Variants in ROBO1 observed in about 807,000 individuals in gnomAD.
ROBO1 encodes the protein roundabout guidance receptor 1.
Under a neutral mutation model 195.9 loss-of-function variants are expected in ROBO1, and 149 were observed. The ratio of observed to expected loss-of-function variants is 0.76; its 90% CI spans 0.67 to 0.87. ROBO1 has a LOEUF of 0.87. Among genes scored for constraint, ROBO1 ranks in the 40% least tolerant of loss-of-function variants. The probability of loss-of-function intolerance (pLI) is 0.00; values close to 1 mark genes in which losing one functional copy is unlikely to be tolerated. For missense variants in ROBO1, 1,933 were observed against 2,068.3 expected, an observed-to-expected ratio of 0.93 and a Z score of 1.27; for synonymous variants, 816 against 733.2, an observed-to-expected ratio of 1.11 and a Z score of -1.82.
chr3:79,460,242 A>G (rs902138613), intron 2 of ROBO1, among the ~76,000 whole-genome samples: 3 of 152,180 alleles, frequency 2.0e-5, no homozygotes, highest in African/African-American at 7.2e-5. Flanking sequence ...CCATTTACTG[A>G]GAGGCATTGC....
chr3:79,408,586 C>T (rs1392750240), intron 2 of ROBO1, among the ~76,000 whole-genome samples: 1 of 151,924 alleles, frequency 6.6e-6, no homozygotes, highest in African/African-American at 2.4e-5. Context: ...ATATGGTGTG[C>T]AGTTCTTGAG....
chr3:79,081,071 T>C (rs560504613), intron 3 of ROBO1, among the ~76,000 whole-genome samples: 71 of 152,250 alleles, frequency 4.7e-4, no homozygotes, highest in African/African-American at 1.6e-3. Context: ...AATCGACTTA[T>C]AGTGTGCCCA....
chr3:79,578,440 C>T (rs998033738), intron 2 of ROBO1, among the ~76,000 whole-genome samples: 2 of 152,058 alleles, frequency 1.3e-5, no homozygotes, highest in African/African-American at 4.8e-5. Flanking sequence ...TAGTATTGGT[C>T]AATTTTTATT....
At chr3:78,802,383 C>T (rs1340725495) in intron 4 of ROBO1, among the ~76,000 whole-genome samples, 1 of 152,068 alleles carries the variant, frequency 6.6e-6, no homozygotes, top group East Asian at 1.9e-4. Context: ...TTAAAATAAA[C>T]ACAAACTAGA....
chr3:79,665,271 T>C (rs1946442934), intron 1 of ROBO1, among the ~76,000 whole-genome samples: 1 of 151,950 alleles, frequency 6.6e-6, no homozygotes, highest in Non-Finnish European at 1.5e-5. Context: ...TGATTTCATA[T>C]ACTGTTATAG....
intron 1 of ROBO1, among the ~76,000 whole-genome samples, chr3:79,676,679 A>G (rs1946794211): frequency 6.6e-6 from 1 of 152,062 alleles, no homozygotes; most frequent in South Asian, 2.1e-4. Context: ...AGACAACAAG[A>G]AAGAGGCTTA....
At chr3:78,861,917 A>G (rs2034867059) in intron 4 of ROBO1, among the ~76,000 whole-genome samples, 1 of 152,214 alleles carries the variant, frequency 6.6e-6, no homozygotes, top group African/African-American at 2.4e-5. Flanking sequence ...CCTATGGCTT[A>G]TATTTAGAAT....
At chr3:78,804,203 A>G (rs958393588) in intron 4 of ROBO1, among the ~76,000 whole-genome samples, 3 of 152,180 alleles carry the variant, frequency 2.0e-5, no homozygotes, top group African/African-American at 7.2e-5. Context: ...ATGTTGAACT[A>G]CTGTTTGGAG....
intron 2 of ROBO1, among the ~76,000 whole-genome samples, chr3:79,394,006 A>G (rs1204599360): frequency 6.6e-6 from 1 of 152,168 alleles, no homozygotes; most frequent in Non-Finnish European, 1.5e-5. Context: ...CGACATGACA[A>G]TGAATGGTGA....
chr3:78,666,797 AC>A (rs1707763452), intron 14 of ROBO1, among the ~76,000 whole-genome samples: 1 of 152,054 alleles, frequency 6.6e-6, no homozygotes, highest in Admixed American at 6.6e-5. Flanking sequence ...TGGCTGGCAG[AC>A]CCCTCTCCCA....
chr3:79,228,954 T>C (rs896278071), intron 2 of ROBO1, among the ~76,000 whole-genome samples: 1 of 152,168 alleles, frequency 6.6e-6, no homozygotes, highest in Non-Finnish European at 1.5e-5. Context: ...AATCTCTTCA[T>C]TTCTTAAAGT....
intron 3 of ROBO1, among the ~76,000 whole-genome samples, chr3:79,004,847 T>G (rs962497794): frequency 6.6e-6 from 1 of 152,138 alleles, no homozygotes; most frequent in African/African-American, 2.4e-5. Flanking sequence ...AGAAAATGAA[T>G]TAAACATTCT....
At chr3:78,944,451 G>A (rs561766157) in intron 3 of ROBO1, among the ~76,000 whole-genome samples, 2 of 152,332 alleles carry the variant, frequency 1.3e-5, no homozygotes, top group African/African-American at 2.4e-5. Context: ...AACCAGCCAT[G>A]CCTGCACCCT....
chr3:79,600,021 A>G (rs369170743), intron 1 of ROBO1, among the ~76,000 whole-genome samples: 9 of 152,002 alleles, frequency 5.9e-5, no homozygotes, highest in African/African-American at 2.2e-4. Flanking sequence ...ACACCAAGAC[A>G]GAAAGAAAGC....
At chr3:79,509,831 T>C (rs1036551084) in intron 2 of ROBO1, among the ~76,000 whole-genome samples, 2 of 152,122 alleles carry the variant, frequency 1.3e-5, no homozygotes, top group Admixed American at 1.3e-4. Context: ...TATTGGATAA[T>C]ATTTTGATAC....
chr3:79,579,449 CAA>C (rs1294889477), intron 2 of ROBO1, among the ~76,000 whole-genome samples: 1 of 152,102 alleles, frequency 6.6e-6, no homozygotes, highest in African/African-American at 2.4e-5. Flanking sequence ...TGAGAAATTT[CAA>C]AAGAGTTGCT....
At chr3:79,351,966 A>C (rs1315828162) in intron 2 of ROBO1, among the ~76,000 whole-genome samples, 1 of 152,184 alleles carries the variant, frequency 6.6e-6, no homozygotes, top group Non-Finnish European at 1.5e-5. Context: ...TTTGCAATAA[A>C]AATAAGCTAA....
At chr3:79,610,025 G>A (rs553528638) in intron 1 of ROBO1, among the ~76,000 whole-genome samples, 1 of 151,776 alleles carries the variant, frequency 6.6e-6, no homozygotes, top group African/African-American at 2.4e-5. Context: ...TATTTTATCA[G>A]TATTCTAAAA....
At chr3:79,553,714 G>A (rs1318082048) in intron 2 of ROBO1, among the ~76,000 whole-genome samples, 1 of 152,064 alleles carries the variant, frequency 6.6e-6, no homozygotes, top group Non-Finnish European at 1.5e-5. Flanking sequence ...AAATTTTAAA[G>A]TAATGGGTGC....
Sources: gnomAD v4.1 joint callset for allele counts (sites outside exome capture counted in the v4.1 genomes callset) on GRCh38, gnomAD v4.1.1 for gene constraint, MANE v1.5 for transcripts, NCBI Gene and HGNC (gene_info 2026-07-23, HGNC 2026-07-21) for gene names.